MYO10: variants seen among roughly 807,000 people sequenced by gnomAD.
The protein encoded by MYO10 is unconventional myosin-X.
A neutral mutation model predicts 257.3 loss-of-function variants in MYO10; 133 were observed. That is an observed-to-expected ratio of 0.52 (90% CI 0.45 to 0.60). The LOEUF (loss-of-function observed/expected upper bound fraction) is 0.60. Ranked by LOEUF, MYO10 falls within the 20% of genes least tolerant of loss-of-function variation. The pLI is 0.00. For synonymous variants in MYO10, 1,104 were observed against 1,028.6 expected, an observed-to-expected ratio of 1.07 and a Z score of -1.40; for missense variants, 2,399 against 2,635.7, an observed-to-expected ratio of 0.91 and a Z score of 1.97.
chr5:16,731,561 C>T (rs1273166659), intron 19 of MYO10, among the ~76,000 whole-genome samples: 1 of 152,012 alleles, frequency 6.6e-6, no homozygotes, highest in Admixed American at 6.6e-5. Context: ...GTTGGCCAGG[C>T]TGGTCTCTAA....
chr5:16,673,665 C>T lies in MYO10; in HGVS notation c.5172+17G>A. 1 of 1,607,902 alleles carries T rather than the reference C, an allele frequency of 6.2e-7. No homozygotes were observed. The highest frequency in any genetic ancestry group is 8.5e-7 in the Non-Finnish European group (1 of 1,176,682). ...CAAAGGCATCTAACAGAACAAGCAG[C>T]AGCTGCCTCTCCTCACCTCCCCAGC... is the stretch of plus-strand genomic sequence containing the variant. On this transcript the variant is annotated intron_variant, in intron 36 of 40. Transcript: ENST00000513610.
At position 16,702,577 on chromosome 5, in the gene MYO10, C is replaced by T. The variant is rs780630866; in HGVS notation, c.2522G>A (p.Arg841Lys). Reference protein sequence around the residue: ...KREEEERERERERREAELRAQ... With the variant: ...KREEEEREREKERREAELRAQ... ...GCGGAGCTCGGCTTCTCTTCGCTCT[C>T]TCTCTCTTTCTCTAAAAATAGTAAA... Residue 841 changes from arginine (R) to lysine (K), a missense_variant, in exon 24 of 41, where the codon AGA becomes AAA. Around this residue, in one of 3 missense-constraint regions of MYO10, gnomAD observed 1,820 missense variants for 1,939.4 expected, o/e 0.94. Coordinates refer to ENST00000513610, the MANE Select transcript of MYO10 (RefSeq NM_012334.3). The T allele has an allele frequency of 7.6e-6, 12 of 1,582,834 alleles. No individual in the cohort carries two copies. The highest frequency in any genetic ancestry group is 1.0e-5 in the Non-Finnish European group (12 of 1,163,754).
At chr5:16,875,458 A>G (rs1418368617) in intron 2 of MYO10, among the ~76,000 whole-genome samples, 2 of 152,188 alleles carry the variant, frequency 1.3e-5, no homozygotes, top group Non-Finnish European at 2.9e-5. Flanking sequence ...AGATCATACT[A>G]TACTACCCGA....
chr5:16,736,332 G>C (rs1254244776), intron 19 of MYO10, among the ~76,000 whole-genome samples: 1 of 152,184 alleles, frequency 6.6e-6, no homozygotes, highest in Non-Finnish European at 1.5e-5. Flanking sequence ...ATGTAAACCA[G>C]GAAATGCCTC....
intron 1 of MYO10, among the ~76,000 whole-genome samples, chr5:16,922,209 G>T (rs1200686154): frequency 7.7e-6 from 1 of 129,040 alleles, no homozygotes; most frequent in Non-Finnish European, 1.7e-5. Context: ...GCAAGACTCC[G>T]TCTCAAAAAA....
At position 16,830,249 on chromosome 5, in the gene MYO10, G is replaced by T. The variant is rs868678349; in HGVS notation, c.121-12082C>A. 1.3e-5 allele frequency among the ~76,000 whole-genome samples: 2 copies of T among 151,920 alleles called. 1 individual carries two copies. Among genetic ancestry groups the T allele is most frequent in the East Asian group, 3.9e-4 (2 of 5,144 alleles). ...AGACTCCATCTCAAAAAAAAAAAGG[G>T]AAAACCAGACCTCAAATTTGTATTT... On this transcript the variant is annotated intron_variant, in intron 2 of 40. Coordinates refer to ENST00000513610, the MANE Select transcript of MYO10 (RefSeq NM_012334.3).
intron 24 of MYO10, among the ~76,000 whole-genome samples, chr5:16,702,307 C>T (rs934511621): frequency 5.9e-5 from 9 of 152,200 alleles, no homozygotes; most frequent in African/African-American, 1.7e-4. Context: ...CAAACTAACA[C>T]GCTGGTTATA....
In MYO10 at chr5:16,711,382, TAG is replaced by T. The variant is rs1006452506; in HGVS notation, c.1930-139_1930-138del. ...CGAGAATCTTGAACCTACACAGAAA[TAG>T]AGACTAGCACAGGAACCCCAGTGGA... On this transcript the variant is annotated intron_variant, in intron 19 of 40. Coordinates refer to ENST00000513610, the MANE Select transcript of MYO10 (RefSeq NM_012334.3). 9 of 924,672 alleles carry T rather than the reference TAG, an allele frequency of 9.7e-6. No individual in the cohort carries two copies. In the Admixed American group the frequency reaches 2.4e-4, roughly 25 times the overall value. The allele number at this position is 924,672 out of a possible 1,614,324, so 57.3% of individuals were successfully genotyped here.
In MYO10 at chr5:16,818,153, C is replaced by T. The variant is rs1394063948; in HGVS notation, c.135G>A (p.Lys45=). 2.5e-6 allele frequency: 4 copies of T among 1,579,630 alleles called. No individual in the cohort carries two copies. In the Admixed American group the frequency reaches 5.2e-5, roughly 20 times the overall value. ...CCTTCTGGTGGGTAATTGTGCTCTG[C>T]TTGTAAGTGAATACCTGAGGGAGGG... ...RTDYGQVFTY[K]QSTITHQKVT... The change falls in exon 3 of 41, where the codon AAG becomes AAA. Residue 45 remains lysine (K), a synonymous_variant. Transcript: ENST00000513610.
intron 2 of MYO10, among the ~76,000 whole-genome samples, chr5:16,876,347 A>C (rs1232260301): frequency 6.6e-6 from 1 of 152,154 alleles, no homozygotes; most frequent in African/African-American, 2.4e-5. Flanking sequence ...AATTTTAGTG[A>C]TAGGACTTTT....
Position 16,873,783 on chromosome 5 carries a change from G to A in MYO10, c.120+3826C>T, listed in dbSNP as rs138281962. ...AAGCCACAGCCTGAGCTGTACATTG[G>A]CCTCTTTCAGCCACGGCTGGAGTGT... On this transcript the variant is annotated intron_variant, in intron 2 of 40. Coordinates refer to ENST00000513610, the MANE Select transcript of MYO10 (RefSeq NM_012334.3). 4.9e-3 allele frequency among the ~76,000 whole-genome samples: 751 copies of A among 152,300 alleles called. 7 individuals carry two copies. Among genetic ancestry groups the A allele is most frequent in the African/African-American group, 0.017 (692 of 41,570 alleles).
At chr5:16,866,235 T>C (rs911107090) in intron 2 of MYO10, among the ~76,000 whole-genome samples, 1 of 152,100 alleles carries the variant, frequency 6.6e-6, no homozygotes, top group South Asian at 2.1e-4. Flanking sequence ...TGTGAGCAAA[T>C]GCACATACGC....
intron 21 of MYO10, among the ~76,000 whole-genome samples, chr5:16,707,309 T>C (rs1043142198): frequency 2.0e-5 from 3 of 152,194 alleles, no homozygotes; most frequent in Admixed American, 1.3e-4. Flanking sequence ...TGAGCCCTTG[T>C]GTCACTTTGC....
At chr5:16,798,365 T>C (rs1326605294) in intron 3 of MYO10, among the ~76,000 whole-genome samples, 1 of 151,110 alleles carries the variant, frequency 6.6e-6, no homozygotes, top group Non-Finnish European at 1.5e-5. Flanking sequence ...AAAAAAAAGA[T>C]CTGGTGCTTT....
In MYO10 at chr5:16,794,925, A is replaced by G. The variant is rs909162058; in HGVS notation, c.280-92T>C. The G allele has an allele frequency of 8.8e-6, 9 of 1,022,948 alleles. No individual in the cohort carries two copies. In the African/African-American group the frequency reaches 1.2e-4, roughly 13 times the overall value. 63.4% of individuals were successfully genotyped at this position (1,022,948 alleles called of 1,614,324 possible). A position where few individuals can be genotyped will look rare whatever the true frequency, so the allele number is the denominator to read the frequency against. ...AACCCACCGAGTGTGCGCCAGGGGG[A>G]AAGACGTCTTCTGTCTCCCGGGTGC... On this transcript the variant is annotated intron_variant, in intron 3 of 40. Coordinates refer to ENST00000513610, the MANE Select transcript of MYO10 (RefSeq NM_012334.3).
chr5:16,929,501 T>C (rs1746238581), intron 1 of MYO10, among the ~76,000 whole-genome samples: 1 of 152,168 alleles, frequency 6.6e-6, no homozygotes, highest in African/African-American at 2.4e-5. Flanking sequence ...ACACAGCCTG[T>C]CTGGGTTCAA....
At chr5:16,742,145 T>A (rs13357269) in intron 19 of MYO10, 148,212 of 984,680 alleles carry the variant, frequency 0.15, 13,108 homozygotes, top group African/African-American at 0.38. Context: ...AATTTTTTTT[T>A]AAAAAAAGTC....
intron 17 of MYO10, among the ~76,000 whole-genome samples, chr5:16,760,962 A>AT: frequency 6.6e-6 from 1 of 150,664 alleles, no homozygotes; most frequent in Non-Finnish European, 1.5e-5. Context: ...GTCATTGCTT[A>AT]TATTATTATT....
intron 19 of MYO10, among the ~76,000 whole-genome samples, chr5:16,744,146 T>G (rs990619490): frequency 3.9e-5 from 6 of 152,342 alleles, no homozygotes; most frequent in Middle Eastern, 3.4e-3. Flanking sequence ...AGAAAAGGTC[T>G]TAAAACAGTT....
Sources: allele counts gnomAD v4.1 joint callset (sites outside exome capture counted in the v4.1 genomes callset), GRCh38; gene constraint gnomAD v4.1.1; regional missense constraint gnomAD v4.1.1; transcripts MANE v1.5; gene names NCBI Gene and HGNC (gene_info 2026-07-23, HGNC 2026-07-21).